AIG1: variants seen among roughly 807,000 people sequenced by gnomAD.
The protein encoded by AIG1 is androgen-induced gene 1 protein.
Under a neutral mutation model 31.4 loss-of-function variants are expected in AIG1, and 23 were observed. That is an observed-to-expected ratio of 0.73 (90% CI 0.53 to 1.04). The LOEUF is 1.04. AIG1 is among the 50% of genes least tolerant of loss of function. The probability of loss-of-function intolerance (pLI) is 0.00; values close to 1 mark genes in which losing one functional copy is unlikely to be tolerated. For missense variants in AIG1, 274 were observed against 295.0 expected (o/e 0.93, Z 0.52); for synonymous variants, 100 against 110.5 (o/e 0.90, Z 0.60).
At chr6:143,150,606 G>T (rs900696952) in intron 2 of AIG1, among the ~76,000 whole-genome samples, 2 of 152,108 alleles carry the variant, frequency 1.3e-5, no homozygotes, top group African/African-American at 2.4e-5. Flanking sequence ...CTCTGCCTCT[G>T]TCCTATCGCA....
chr6:143,127,562 A>T (rs1782802558), intron 1 of AIG1, among the ~76,000 whole-genome samples: 1 of 152,190 alleles, frequency 6.6e-6, no homozygotes, highest in Admixed American at 6.5e-5. Context: ...TTCCATTTTT[A>T]TTTAAAATGC....
In AIG1 at chr6:143,081,694, G is replaced by A. The variant is rs189658181; in HGVS notation, c.141+20628G>A. The stretch of plus-strand genomic sequence containing the variant: ...GGGTGCTGTCAATGCCTAAGTGAAA[G>A]GTCTGGTGAAGGGTTTTAAGTAATT... On this transcript the variant is annotated intron_variant, in intron 1 of 5. Transcript: ENST00000357847. 2.4e-3 allele frequency among the ~76,000 whole-genome samples: 367 copies of A among 152,148 alleles called. 2 individuals are homozygous for A. Among genetic ancestry groups the A allele is most frequent in the African/African-American group, 8.5e-3 (351 of 41,492 alleles).
In AIG1 at chr6:143,196,350, AACACACACACAC is replaced by A. The variant is rs71784011; in HGVS notation, c.399+31202_399+31213del. ...TCAGCACATCAAAAGCAACAAAAGC[AACACACACACAC>A]ACACACACACACACACACACACACA... On this transcript the variant is annotated intron_variant, in intron 3 of 5. Transcript: ENST00000357847. Among the ~76,000 whole-genome samples, 983 of 141,706 alleles carry A rather than the reference AACACACACACAC, an allele frequency of 6.9e-3. 7 individuals carry two copies. The highest frequency in any genetic ancestry group is 0.018 in the African/African-American group (690 of 38,084). The allele number at this position is 141,706 out of a possible 152,430, so 93.0% of individuals were successfully genotyped here.
chr6:143,086,905 C>T (rs1778839121), intron 1 of AIG1, among the ~76,000 whole-genome samples: 1 of 152,178 alleles, frequency 6.6e-6, no homozygotes, highest in Non-Finnish European at 1.5e-5. Flanking sequence ...GCCGGGAGTT[C>T]AGGACGACAG....
At chr6:143,164,513 C>T (rs1406923909) in intron 2 of AIG1, among the ~76,000 whole-genome samples, 1 of 152,214 alleles carries the variant, frequency 6.6e-6, no homozygotes, top group Non-Finnish European at 1.5e-5. Context: ...CCCAGCTTCT[C>T]AGTGCAGCTA....
intron 4 of AIG1, among the ~76,000 whole-genome samples, chr6:143,332,955 G>A (rs540246841): frequency 6.6e-6 from 1 of 152,274 alleles, no homozygotes; most frequent in Admixed American, 6.5e-5. Context: ...GGGAAATTCT[G>A]AATAAAGCCT....
chr6:143,112,455 C>G (rs9496522), intron 1 of AIG1, among the ~76,000 whole-genome samples: 2,160 of 152,260 alleles, frequency 0.014, 51 homozygotes, highest in African/African-American at 0.049. Flanking sequence ...CGTTTGTATC[C>G]TCCCTCTGCA....
intron 4 of AIG1, among the ~76,000 whole-genome samples, chr6:143,304,932 A>G (rs1428947448): frequency 1.3e-5 from 2 of 152,106 alleles, no homozygotes; most frequent in African/African-American, 4.8e-5. Flanking sequence ...CAGAGATTCA[A>G]CTTCTTCCTG....
intron 1 of AIG1, among the ~76,000 whole-genome samples, chr6:143,084,103 G>C (rs1022663262): frequency 6.6e-6 from 1 of 152,152 alleles, no homozygotes; most frequent in African/African-American, 2.4e-5. Context: ...GACTGAGAAG[G>C]CCGCACCAGT....
Position 143,223,483 on chromosome 6 carries a change from T to TG in AIG1, c.399+58300_399+58301insG, listed in dbSNP as rs547694128. ...GTTTTTGTTAATGAATTAATTTTTT[T>TG]TCAAATGTAAATAATTTGAAATTTG... On this transcript the variant is annotated intron_variant, in intron 3 of 5. Coordinates refer to ENST00000357847, the MANE Select transcript of AIG1 (RefSeq NM_016108.4). Among the ~76,000 whole-genome samples, 608 of 152,358 alleles carry TG rather than the reference T, an allele frequency of 4.0e-3. 8 individuals are homozygous for TG. Among genetic ancestry groups the TG allele is most frequent in the South Asian group, 7.0e-3 (34 of 4,828 alleles).
chr6:143,062,655 A>G (rs928564449), intron 1 of AIG1, among the ~76,000 whole-genome samples: 2 of 152,200 alleles, frequency 1.3e-5, no homozygotes, highest in African/African-American at 4.8e-5. Context: ...TAAATCTGCA[A>G]CCCTGAGGTT....
chr6:143,333,500 A>G lies in AIG1; in HGVS notation c.679+55A>G, dbSNP rs894327783. On this transcript the variant is annotated intron_variant, in intron 5 of 5. Coordinates refer to ENST00000357847, the MANE Select transcript of AIG1 (RefSeq NM_016108.4). This position sits in a 1 kb window ranked among gnomAD's most constrained non-coding sequence, Gnocchi z 4.6. ...AGAGAATTACTGCCGGCAACAGTCT[A>G]TGCAGAGACTGAGGGAAAATTCCAC... is the stretch of plus-strand genomic sequence containing the variant. The G allele has an allele frequency of 1.0e-5, 16 of 1,549,746 alleles. No individual in the cohort carries two copies. Among genetic ancestry groups the G allele is most frequent in the Non-Finnish European group, 1.3e-5 (15 of 1,142,198 alleles).
chr6:143,216,431 T>C (rs1489159879), intron 3 of AIG1, among the ~76,000 whole-genome samples: 1 of 152,146 alleles, frequency 6.6e-6, no homozygotes, highest in Admixed American at 6.5e-5. Context: ...TGCTGAGAAC[T>C]CCTAAAATGT....
intron 3 of AIG1, among the ~76,000 whole-genome samples, chr6:143,250,571 C>A (rs1326155577): frequency 6.6e-6 from 1 of 151,940 alleles, no homozygotes; most frequent in Admixed American, 6.6e-5. Context: ...CTGGGTGGGC[C>A]CCAAATGCCA....
At chr6:143,337,148 G>GTCGC (rs1562605645) in intron 5 of AIG1, among the ~76,000 whole-genome samples, 1 of 152,224 alleles carries the variant, frequency 6.6e-6, no homozygotes. Flanking sequence ...GGAGGAGCCA[G>GTCGC]TCGCTGAACC....
At chr6:143,065,046 T>G (rs1375682304) in intron 1 of AIG1, among the ~76,000 whole-genome samples, 2 of 152,184 alleles carry the variant, frequency 1.3e-5, no homozygotes, top group Non-Finnish European at 2.9e-5. Context: ...TAAGACTTAT[T>G]GTCCAGAAGA....
intron 3 of AIG1, among the ~76,000 whole-genome samples, chr6:143,176,656 A>C (rs1336374189): frequency 6.6e-6 from 1 of 152,214 alleles, no homozygotes; most frequent in African/African-American, 2.4e-5. Flanking sequence ...GGCCTCACTT[A>C]GCTCCCATGC....
At position 143,068,251 on chromosome 6, in the gene AIG1, T is replaced by C. The variant is rs796413962; in HGVS notation, c.141+7185T>C. ...CTGTGTGTTCCTCTGAAATGTCATG[T>C]TTCTGGGGGAAGCAAGAACAACAGT... On this transcript the variant is annotated intron_variant, in intron 1 of 5. Transcript: ENST00000357847. Among the ~76,000 whole-genome samples, 6 of 152,362 alleles carry C rather than the reference T, an allele frequency of 3.9e-5. No individual in the cohort carries two copies. In the East Asian group the frequency reaches 7.7e-4, roughly 20 times the overall value.
chr6:143,148,225 A>T (rs1243615437), intron 2 of AIG1, among the ~76,000 whole-genome samples: 2 of 151,650 alleles, frequency 1.3e-5, no homozygotes, highest in Non-Finnish European at 2.9e-5. Flanking sequence ...TATGGACTGG[A>T]CATGGCGGCT....
Sources: allele counts gnomAD v4.1 joint callset (sites outside exome capture counted in the v4.1 genomes callset), GRCh38; gene constraint gnomAD v4.1.1; non-coding constraint Gnocchi (gnomAD v3.1); transcripts MANE v1.5; gene names NCBI Gene and HGNC (gene_info 2026-07-23, HGNC 2026-07-21).